PSMB3: variants seen among roughly 807,000 people sequenced by gnomAD.
PSMB3 encodes proteasome subunit beta type-3.
Under a neutral mutation model 23.3 loss-of-function variants are expected in PSMB3, and 5 were observed. The observed-to-expected ratio is 0.21, with a 90% CI of 0.11 to 0.45. The LOEUF is 0.45. Ranked by LOEUF, PSMB3 falls within the 20% of genes least tolerant of loss-of-function variation. The probability of loss-of-function intolerance (pLI) is 0.99; values close to 1 mark genes in which losing one functional copy is unlikely to be tolerated. For missense variants in PSMB3, 192 were observed against 277.9 expected (o/e 0.69, Z 2.20); for synonymous variants, 85 against 99.8 (o/e 0.85, Z 0.88).
Position 38,754,435 on chromosome 17 carries a change from A to G in PSMB3, c.188+1101A>G, listed in dbSNP as rs770783048. 6.6e-5 allele frequency among the ~76,000 whole-genome samples: 10 copies of G among 152,184 alleles called. No individual in the cohort carries two copies. In the South Asian group the frequency reaches 2.1e-3, roughly 31 times the overall value. On this transcript the variant is annotated intron_variant, in intron 2 of 5. Transcript: ENST00000619426. ...CAGTGAGCTGAAATTGTGCCACTGC[A>G]CTCTAGCCTGGGCAACAGAGCGAGA... is the stretch of plus-strand genomic sequence containing the variant.
chr17:38,763,390 CAG>C (rs1908526937), intron 5 of PSMB3, among the ~76,000 whole-genome samples: 1 of 151,530 alleles, frequency 6.6e-6, no homozygotes, highest in South Asian at 2.1e-4. Flanking sequence ...ACCCAAAAAA[CAG>C]AATTTACCAC....
chr17:38,758,829 A>G (rs1261909566), intron 3 of PSMB3, among the ~76,000 whole-genome samples: 1 of 152,090 alleles, frequency 6.6e-6, no homozygotes, highest in African/African-American at 2.4e-5. Flanking sequence ...GGTGGATCAC[A>G]AGGTCAGGAG....
chr17:38,760,308 C>G, intron 3 of PSMB3, 123 bp from the exon 4 acceptor site: 1 of 1,061,570 alleles, frequency 9.4e-7, no homozygotes, highest in Non-Finnish European at 1.4e-6. Context: ...GGTGATCTTC[C>G]TAAACAGGTC....
intron 2 of PSMB3, among the ~76,000 whole-genome samples, chr17:38,754,469 C>G (rs185397694): frequency 1.3e-5 from 2 of 152,158 alleles, no homozygotes; most frequent in Admixed American, 1.3e-4. Context: ...GACTCTGTCT[C>G]AAACAAAATA....
chr17:38,761,610 GGGGGCAAAGGTACAGGAA>G (rs1226755922), intron 4 of PSMB3, among the ~76,000 whole-genome samples: 1 of 152,138 alleles, frequency 6.6e-6, no homozygotes, highest in Non-Finnish European at 1.5e-5. Context: ...GAAAGGGTCT[GGGGGCAAAGGTACAGGAA>G]GGGGCAGGTA....
At chr17:38,755,748 A>G in intron 2 of PSMB3, 135 bp from the exon 3 acceptor site, 1 of 631,468 alleles carries the variant, frequency 1.6e-6, no homozygotes, top group African/African-American at 1.9e-5. Flanking sequence ...GCTACTTCCT[A>G]ACACATGTAA....
chr17:38,755,682 A>ATGTGTGTGTGTGTGTGTG (rs67600372), intron 2 of PSMB3, among the ~76,000 whole-genome samples: 2 of 90,278 alleles, frequency 2.2e-5, no homozygotes, highest in South Asian at 4.2e-4. Context: ...ATATATATAT[A>ATGTGTGTGTGTGTGTGTG]TGTGTGTGTG....
In PSMB3 at chr17:38,760,231, A is replaced by G. The variant is rs117704791; in HGVS notation, c.297-200A>G. Among the ~76,000 whole-genome samples the G allele has an allele frequency of 1.9e-3, 294 of 152,304 alleles. 7 individuals carry two copies. In the East Asian group the frequency reaches 0.048, roughly 25 times the overall value. On this transcript the variant is annotated intron_variant, in intron 3 of 5. Coordinates refer to ENST00000619426, the MANE Select transcript of PSMB3 (RefSeq NM_002795.4). ...TAGAAAGGTAAGTGTTGAAGAAAAGAAAGTGGAAAAGTCTTAGAATATTTC... is the reference window on the plus strand; with the variant it reads ...TAGAAAGGTAAGTGTTGAAGAAAAGGAAGTGGAAAAGTCTTAGAATATTTC...
intron 4 of PSMB3, chr17:38,762,052 G>A (rs1908466996): frequency 4.7e-6 from 1 of 212,974 alleles, no homozygotes; most frequent in African/African-American, 2.3e-5. Context: ...AAGATATCCA[G>A]GATCAGAGCC....
At position 38,764,155 on chromosome 17, in the gene PSMB3, C is replaced by T. The variant is rs143077023; in HGVS notation, c.606C>T (p.Ala202=). Residue 202 remains alanine, a synonymous_variant, in exon 6 of 6, where the codon GCC becomes GCT. Coordinates refer to ENST00000619426, the MANE Select transcript of PSMB3 (RefSeq NM_002795.4). ...AAATCACCACCAGGACACTGAAGGC[C>T]CGAATGGACTAACCCTGTTCCCAGA... ...KDKITTRTLK[A]RMD is the part of the protein sequence containing the mutation. The T allele has an allele frequency of 7.6e-5, 122 of 1,614,166 alleles. No homozygotes were observed. The African/African-American group carries it at 1.5e-3, about 20-fold the overall frequency.
In PSMB3 at chr17:38,759,145, T is replaced by C. The variant is rs111273560; in HGVS notation, c.297-1286T>C. Among the ~76,000 whole-genome samples the C allele has an allele frequency of 5.9e-5, 9 of 152,372 alleles. 1 individual carries two copies. The highest frequency in any genetic ancestry group is 2.2e-4 in the African/African-American group (9 of 41,582). ...ACTGAGGATATTGGCCATTTGTTATTTGGTATTTTATAGATATTCCTTACC... is the reference window on the plus strand; with the variant it reads ...ACTGAGGATATTGGCCATTTGTTATCTGGTATTTTATAGATATTCCTTACC... On this transcript the variant is annotated intron_variant, in intron 3 of 5. Transcript: ENST00000619426.
rs1804235 is a variant in PSMB3 at position 38,762,450 on chromosome 17, C to T, written c.514C>T (p.Leu172=). The T allele has an allele frequency of 6.2e-7, 1 of 1,614,078 alleles. No homozygotes were observed. Among genetic ancestry groups the T allele is most frequent in the African/African-American group, 1.3e-5 (1 of 74,948 alleles). ...GTTTGAAACCATCTCCCAAGCCATG[C>T]TGAATGCTGTGGACCGGGATGCAGT... ...HLFETISQAM[L]NAVDRDAVSG... The change falls in exon 5 of 6, where the codon CTG becomes TTG. Residue 172 remains leucine (L), a synonymous_variant. Transcript: ENST00000619426.
At chr17:38,760,813 G>C (rs1908402520) in intron 4 of PSMB3, among the ~76,000 whole-genome samples, 1 of 152,224 alleles carries the variant, frequency 6.6e-6, no homozygotes, top group South Asian at 2.1e-4. Flanking sequence ...TCTGTTAGGA[G>C]ACCACAGTTA....
intron 3 of PSMB3, among the ~76,000 whole-genome samples, chr17:38,757,245 G>A (rs184732610): frequency 4.2e-4 from 64 of 151,974 alleles, no homozygotes; most frequent in Non-Finnish European, 6.9e-4. Flanking sequence ...CTTGCTGGGC[G>A]TGGTGGCTCA....
At chr17:38,758,514 A>AT (rs1908305382) in intron 3 of PSMB3, among the ~76,000 whole-genome samples, 1 of 151,710 alleles carries the variant, frequency 6.6e-6, no homozygotes, top group Non-Finnish European at 1.5e-5. Context: ...TAATTTTTAA[A>AT]TTTTTTTGTA....
Position 38,752,955 on chromosome 17 carries a change from G to A in PSMB3, c.3+126G>A, listed in dbSNP as rs2143204375. ...GAAGCGGTTTCAGTTCGAGGGGAGCGGGCCCCGGTGAGGACCAAGAGGGTG... is the reference window on the plus strand; with the variant it reads ...GAAGCGGTTTCAGTTCGAGGGGAGCAGGCCCCGGTGAGGACCAAGAGGGTG... On this transcript the variant is annotated intron_variant, in intron 1 of 5. Coordinates refer to ENST00000619426, the MANE Select transcript of PSMB3 (RefSeq NM_002795.4). The surrounding 1 kb of genome is among the most constrained non-coding windows in gnomAD (Gnocchi z 5.5). 1.4e-6 allele frequency: 2 copies of A among 1,424,110 alleles called. No individual in the cohort carries two copies. Among genetic ancestry groups the A allele is most frequent in the Middle Eastern group, 2.1e-4 (1 of 4,732 alleles). The allele number at this position is 1,424,110 out of a possible 1,614,324, so 88.2% of individuals were successfully genotyped here.
intron 2 of PSMB3, among the ~76,000 whole-genome samples, chr17:38,755,646 T>TAAAAA (rs66894167): frequency 3.8e-3 from 250 of 66,392 alleles, no homozygotes; most frequent in African/African-American, 0.01. Flanking sequence ...AGACTCCGTC[T>TAAAAA]AAAAAAAAAA....
chr17:38,755,660 ATAT>A (rs1183563533), intron 2 of PSMB3, among the ~76,000 whole-genome samples: 4,372 of 101,220 alleles, frequency 0.043, 163 homozygotes, highest in East Asian at 0.12. Context: ...AAAAAAAAAA[ATAT>A]ATATATATAT....
At chr17:38,757,652 T>A (rs747803339) in intron 3 of PSMB3, among the ~76,000 whole-genome samples, 2 of 151,438 alleles carry the variant, frequency 1.3e-5, no homozygotes, top group African/African-American at 2.4e-5. Flanking sequence ...CCATCTCTAA[T>A]AAAAATGCAA....
Sources: allele counts gnomAD v4.1 joint callset (sites outside exome capture counted in the v4.1 genomes callset), GRCh38; gene constraint gnomAD v4.1.1; non-coding constraint Gnocchi (gnomAD v3.1); transcripts MANE v1.5; gene names NCBI Gene and HGNC (gene_info 2026-07-23, HGNC 2026-07-21).